NTNG1: variants seen among roughly 807,000 people sequenced by gnomAD.
NTNG1 encodes the protein netrin G1.
Under a neutral mutation model 54.0 loss-of-function variants are expected in NTNG1, and 16 were observed. The ratio of observed to expected loss-of-function variants is 0.30; its 90% CI spans 0.20 to 0.45. The LOEUF is 0.45. NTNG1 is among the 20% of genes least tolerant of loss of function. The pLI is 1.00. For synonymous variants in NTNG1, 255 were observed against 263.1 expected, an observed-to-expected ratio of 0.97 and a Z score of 0.30; for missense variants, 530 against 678.7, an observed-to-expected ratio of 0.78 and a Z score of 2.43.
intron 5 of NTNG1, among the ~76,000 whole-genome samples, chr1:107,424,096 T>G (rs980732340): frequency 2.6e-5 from 4 of 152,160 alleles, no homozygotes; most frequent in African/African-American, 9.7e-5. Flanking sequence ...TTTTTGAATA[T>G]TATAAATTCT....
At chr1:107,347,297 T>G (rs563441562) in intron 3 of NTNG1, among the ~76,000 whole-genome samples, 1 of 152,264 alleles carries the variant, frequency 6.6e-6, no homozygotes, top group South Asian at 2.1e-4. Context: ...GAGGACTGTT[T>G]GAGGCCAGAA....
intron 3 of NTNG1, among the ~76,000 whole-genome samples, chr1:107,371,575 C>G (rs1361391795): frequency 6.6e-6 from 1 of 151,838 alleles, no homozygotes; most frequent in East Asian, 1.9e-4. Flanking sequence ...ACTCAAAAAG[C>G]CTCATATTTA....
At chr1:107,340,306 GAC>G (rs2101923365) in intron 3 of NTNG1, among the ~76,000 whole-genome samples, 1 of 152,144 alleles carries the variant, frequency 6.6e-6, no homozygotes, top group South Asian at 2.1e-4. Context: ...GGTGGTTTCA[GAC>G]ACACAGAAAT....
At position 107,201,546 on chromosome 1, in the gene NTNG1, C is replaced by T. The variant is rs1019996837; in HGVS notation, c.246+52707C>T. Among the ~76,000 whole-genome samples the T allele has an allele frequency of 8.6e-5, 13 of 151,704 alleles. 1 individual carries two copies. The highest frequency in any genetic ancestry group is 3.1e-4 in the African/African-American group (13 of 41,360). On this transcript the variant is annotated intron_variant, in intron 2 of 7. Coordinates refer to ENST00000370068, the MANE Select transcript of NTNG1 (RefSeq NM_001113226.3). Reference sequence around the variant, plus strand: ...TTGCCAAAGATGTTATCTCTTGTGCCTTTTTTATTTCCTTTGCTCCACACT... The same window carrying T: ...TTGCCAAAGATGTTATCTCTTGTGCTTTTTTTATTTCCTTTGCTCCACACT...
chr1:107,219,904 C>T (rs1373821263), intron 2 of NTNG1, among the ~76,000 whole-genome samples: 1 of 152,038 alleles, frequency 6.6e-6, no homozygotes, highest in Non-Finnish European at 1.5e-5. Context: ...TTTAAGAGCA[C>T]ATTAGTTGCA....
chr1:107,350,351 T>C lies in NTNG1; in HGVS notation c.887+25429T>C, dbSNP rs552011798. On this transcript the variant is annotated intron_variant, in intron 3 of 7. Coordinates refer to ENST00000370068, the MANE Select transcript of NTNG1 (RefSeq NM_001113226.3). The stretch of plus-strand genomic sequence containing the variant: ...GAATTTTCATTCTCTTTATGGTGAC[T>C]TTTGATGAATAGATGTTCATAATTT... 1.1e-4 allele frequency among the ~76,000 whole-genome samples: 17 copies of C among 152,352 alleles called. No individual in the cohort carries two copies. In the East Asian group the frequency reaches 1.7e-3, roughly 16 times the overall value.
chr1:107,438,000 G>A (rs1459490978), intron 7 of NTNG1, among the ~76,000 whole-genome samples: 1 of 152,026 alleles, frequency 6.6e-6, no homozygotes, highest in African/African-American at 2.4e-5. Flanking sequence ...TATATTATTT[G>A]TATAATATAG....
chr1:107,329,508 A>G (rs898810912), intron 3 of NTNG1, among the ~76,000 whole-genome samples: 10 of 152,216 alleles, frequency 6.6e-5, no homozygotes, highest in Admixed American at 3.3e-4. Flanking sequence ...ATTCAAAAGT[A>G]TAAAAGCAGT....
chr1:107,273,777 T>G (rs1346088682), intron 2 of NTNG1, among the ~76,000 whole-genome samples: 2 of 152,246 alleles, frequency 1.3e-5, no homozygotes, highest in Non-Finnish European at 2.9e-5. Context: ...GTCACAGTCA[T>G]GTACCCATAG....
intron 2 of NTNG1, among the ~76,000 whole-genome samples, chr1:107,198,693 C>G (rs925038166): frequency 1.3e-5 from 2 of 151,924 alleles, no homozygotes; most frequent in African/African-American, 4.8e-5. Flanking sequence ...AGTTGTGTGA[C>G]CTCAGGCAAG....
rs1184380013 is a variant in NTNG1, at chr1:107,482,332, G to A, written c.*1492G>A. Reference sequence around the variant, plus strand: ...TATATTCAGACTTAAGTATTTAGAGGAAATATCAAAATATAAAGCAGCAAG... The same window carrying A: ...TATATTCAGACTTAAGTATTTAGAGAAAATATCAAAATATAAAGCAGCAAG... On this transcript the variant is annotated 3_prime_UTR_variant, in exon 8 of 8. Coordinates refer to ENST00000370068, the MANE Select transcript of NTNG1 (RefSeq NM_001113226.3). 5 of 152,178 alleles carry A rather than the reference G, an allele frequency of 3.3e-5. No homozygotes were observed. Among genetic ancestry groups the A allele is most frequent in the African/African-American group, 1.2e-4 (5 of 41,430 alleles). The allele number at this position is 152,178 out of a possible 1,614,324, so 9.4% of individuals were successfully genotyped here.
At chr1:107,414,790 C>T (rs931225950) in intron 5 of NTNG1, among the ~76,000 whole-genome samples, 1 of 152,084 alleles carries the variant, frequency 6.6e-6, no homozygotes, top group Non-Finnish European at 1.5e-5. Flanking sequence ...CAATGAGTAG[C>T]AGACAGTGTC....
chr1:107,462,236 G>A (rs1173569087), intron 7 of NTNG1, among the ~76,000 whole-genome samples: 2 of 152,208 alleles, frequency 1.3e-5, no homozygotes, highest in African/African-American at 4.8e-5. Context: ...AAGGGCAAAA[G>A]TAATAGCATT....
At chr1:107,321,981 A>G (rs1322489798) in intron 2 of NTNG1, among the ~76,000 whole-genome samples, 1 of 152,172 alleles carries the variant, frequency 6.6e-6, no homozygotes, top group Non-Finnish European at 1.5e-5. Context: ...GGTAGGGATG[A>G]AAAGGATTAC....
intron 2 of NTNG1, among the ~76,000 whole-genome samples, chr1:107,280,720 T>G (rs995288257): frequency 4.6e-5 from 7 of 151,838 alleles, no homozygotes; most frequent in Admixed American, 1.3e-4. Flanking sequence ...CAGGGAAACC[T>G]GCCAAAGATC....
intron 3 of NTNG1, among the ~76,000 whole-genome samples, chr1:107,363,349 T>C (rs1670403061): frequency 6.6e-6 from 1 of 151,198 alleles, no homozygotes; most frequent in African/African-American, 2.4e-5. Context: ...ACATGGAGTA[T>C]ATCATTGCAA....
intron 2 of NTNG1, among the ~76,000 whole-genome samples, chr1:107,293,847 G>A: frequency 6.6e-6 from 1 of 152,092 alleles, no homozygotes; most frequent in East Asian, 1.9e-4. Context: ...ATTTACTGCA[G>A]CATTAAAAGT....
intron 7 of NTNG1, among the ~76,000 whole-genome samples, chr1:107,447,053 A>G (rs192106912): frequency 8.5e-5 from 13 of 152,130 alleles, no homozygotes; most frequent in Admixed American, 3.3e-4. Context: ...CTGCAAAAGC[A>G]TAGGATTAAC....
At chr1:107,366,783 T>G (rs1394154007) in intron 3 of NTNG1, among the ~76,000 whole-genome samples, 1 of 152,208 alleles carries the variant, frequency 6.6e-6, no homozygotes, top group African/African-American at 2.4e-5. Flanking sequence ...GAAAAATGTA[T>G]AAGAAATTAT....
Sources: allele counts gnomAD v4.1 joint callset (sites outside exome capture counted in the v4.1 genomes callset), GRCh38; gene constraint gnomAD v4.1.1; transcripts MANE v1.5; gene names NCBI Gene and HGNC (gene_info 2026-07-23, HGNC 2026-07-21).